THNSL1: variants seen among roughly 807,000 people sequenced by gnomAD.
THNSL1 encodes the protein threonine synthase-like 1.
In THNSL1, 48 loss-of-function variants were observed where a neutral mutation model predicts 50.4. That is an observed-to-expected ratio of 0.95 (90% CI 0.76 to 1.21). The LOEUF (loss-of-function observed/expected upper bound fraction) is 1.21, where lower values mean the gene tolerates loss of function less well. THNSL1 is among the 50% of genes most tolerant of loss of function. THNSL1 has a pLI of 0.00. For synonymous variants in THNSL1, 309 were observed against 306.1 expected (o/e 1.01, Z -0.10); for missense variants, 896 against 871.7 (o/e 1.03, Z -0.35).
chr10:24,968,168 A>G, the THNSL1 span, among the ~76,000 whole-genome samples: 8 of 152,238 alleles, frequency 5.3e-5, no homozygotes, highest in Non-Finnish European at 1.0e-4. Context: ...TTGGGCTATC[A>G]TTCCTTCTTA....
chr10:25,020,611 A>G (rs1850700646), intron 1 of THNSL1, among the ~76,000 whole-genome samples: 1 of 152,024 alleles, frequency 6.6e-6, no homozygotes, highest in Non-Finnish European at 1.5e-5. Flanking sequence ...TAGAAAACCT[A>G]CAAAAATTAG....
chr10:24,988,338 A>C, the THNSL1 span, among the ~76,000 whole-genome samples: 1 of 143,824 alleles, frequency 7.0e-6, no homozygotes, highest in Non-Finnish European at 1.5e-5. Flanking sequence ...ATATATGTGT[A>C]TATATATATT....
rs1174715187 is a variant in THNSL1, at chr10:25,023,291, T to A, written c.68T>A (p.Val23Asp). ...CAGAAATGTTTTTCTAGTATACATGTTAAAACGGATAAACATGCACAGCGA... is the reference window on the plus strand; with the variant it reads ...CAGAAATGTTTTTCTAGTATACATGATAAAACGGATAAACATGCACAGCGA... Reference protein sequence around the residue: ...ITQKCFSSIHVKTDKHAQRFL... With the variant: ...ITQKCFSSIHDKTDKHAQRFL... Residue 23 changes from valine (V) to aspartate (D), a missense_variant, in exon 3 of 3, where the codon GTT (valine) becomes GAT (aspartate). By Grantham distance (152) the Val-to-Asp change is radical (BLOSUM62 -3). Transcript: ENST00000376356. 2 of 1,614,020 alleles carry A rather than the reference T, an allele frequency of 1.2e-6. No homozygotes were observed. Among genetic ancestry groups the A allele is most frequent in the Non-Finnish European group, 8.5e-7 (1 of 1,179,996 alleles).
the THNSL1 span, among the ~76,000 whole-genome samples, chr10:24,981,715 G>T: frequency 6.6e-6 from 1 of 152,188 alleles, no homozygotes. Context: ...TCATGGAATG[G>T]TTTAGCAATC....
the THNSL1 span, among the ~76,000 whole-genome samples, chr10:25,009,235 C>T: frequency 1.9e-3 from 291 of 151,600 alleles, 3 homozygotes; most frequent in African/African-American, 6.7e-3. Flanking sequence ...TGCATATGTA[C>T]CCTAAACCTT....
At chr10:24,952,661 TGGGGACGGGGAC>T in the THNSL1 span, 954 of 90,636 alleles carry the variant, frequency 0.011, 35 homozygotes, top group Non-Finnish European at 0.018. This position sits in a 1 kb window ranked among gnomAD's most constrained non-coding sequence, Gnocchi z 5.1. Flanking sequence ...GACGTGGGGA[TGGGGACGGGGAC>T]GGGGACGGGG....
chr10:25,014,440 A>G (rs1211750431), upstream of THNSL1, among the ~76,000 whole-genome samples: 1 of 152,202 alleles, frequency 6.6e-6, no homozygotes, highest in Non-Finnish European at 1.5e-5. Context: ...GAACAGATAT[A>G]CTAGTGCAAT....
At chr10:24,959,794 G>C in the THNSL1 span, among the ~76,000 whole-genome samples, 1 of 151,764 alleles carries the variant, frequency 6.6e-6, no homozygotes. Flanking sequence ...CCAAGTAAGA[G>C]GTTTTATATA....
chr10:25,022,736 G>T (rs1455182933), intron 2 of THNSL1, among the ~76,000 whole-genome samples: 3 of 152,080 alleles, frequency 2.0e-5, no homozygotes, highest in Non-Finnish European at 4.4e-5. Flanking sequence ...CAACTTTTGT[G>T]AATTGCAAGT....
At chr10:24,964,523 C>A in the THNSL1 span, among the ~76,000 whole-genome samples, 1 of 152,182 alleles carries the variant, frequency 6.6e-6, no homozygotes, top group Non-Finnish European at 1.5e-5. Flanking sequence ...GAGACCTGCA[C>A]TTTCTTTTTA....
At chr10:24,974,929 C>T in the THNSL1 span, among the ~76,000 whole-genome samples, 1 of 152,294 alleles carries the variant, frequency 6.6e-6, no homozygotes, top group East Asian at 1.9e-4. Context: ...CTAACTCATC[C>T]ATCCCACTGT....
chr10:25,009,360 T>C, the THNSL1 span, among the ~76,000 whole-genome samples: 1 of 152,176 alleles, frequency 6.6e-6, no homozygotes, highest in Non-Finnish European at 1.5e-5. Context: ...GAAGCAATGA[T>C]TGCATAAGGC....
At chr10:25,011,996 T>A (rs947053377), upstream of THNSL1, among the ~76,000 whole-genome samples, 25 of 152,192 alleles carry the variant, frequency 1.6e-4, no homozygotes, top group African/African-American at 6.0e-4. Context: ...CCCAGGGCCT[T>A]GCTGCTTTGT....
At chr10:25,015,191 G>A (rs1343324035), upstream of THNSL1, among the ~76,000 whole-genome samples, 1 of 152,112 alleles carries the variant, frequency 6.6e-6, no homozygotes, top group African/African-American at 2.4e-5. Flanking sequence ...TCCTTTGCAC[G>A]TTTTTGAGAT....
chr10:24,967,850 T>C, the THNSL1 span, among the ~76,000 whole-genome samples: 1 of 151,880 alleles, frequency 6.6e-6, no homozygotes, highest in African/African-American at 2.4e-5. Flanking sequence ...CTGTATGATG[T>C]GTGCGTATGA....
chr10:25,024,544 C>T lies in THNSL1; in HGVS notation c.1321C>T (p.Gln441Ter). 1 of 1,614,118 alleles carries T rather than the reference C, an allele frequency of 6.2e-7. No homozygotes were observed. The highest frequency in any genetic ancestry group is 8.5e-7 in the Non-Finnish European group (1 of 1,180,012). ...VGVESDFDFC[Q>*]TAIKRIFNDS... is the part of the protein sequence containing the mutation. ...TGTTGAGTCAGATTTTGATTTTTGCCAGACAGCTATAAAAAGAATTTTTAA... is the reference window on the plus strand; with the variant it reads ...TGTTGAGTCAGATTTTGATTTTTGCTAGACAGCTATAAAAAGAATTTTTAA... Residue 441 changes from glutamine (Q) to a stop codon, truncating the protein, a stop_gained, in exon 3 of 3, where the codon CAG becomes TAG. Transcript: ENST00000376356. LOFTEE classifies it high-confidence loss of function.
upstream of THNSL1, among the ~76,000 whole-genome samples, chr10:25,013,576 A>C (rs1159475816): frequency 6.6e-6 from 1 of 152,262 alleles, no homozygotes; most frequent in Non-Finnish European, 1.5e-5. Flanking sequence ...TGTTCAGACC[A>C]TAACTGGAAT....
At chr10:24,952,400 C>T in the THNSL1 span, 1 of 1,131,910 alleles carries the variant, frequency 8.8e-7, no homozygotes, top group Non-Finnish European at 1.3e-6. The surrounding 1 kb of genome is among the most constrained non-coding windows in gnomAD (Gnocchi z 5.1). Context: ...AAGCGATCCC[C>T]GCCGGGAGGG....
In THNSL1 at chr10:25,023,470, G is replaced by T. The variant is rs778443651; in HGVS notation, c.247G>T (p.Val83Phe). 15 of 1,613,992 alleles carry T rather than the reference G, an allele frequency of 9.3e-6. No homozygotes were observed. The highest frequency in any genetic ancestry group is 1.1e-5 in the Non-Finnish European group (13 of 1,180,016). The change falls in exon 3 of 3, where the codon GTC (valine) becomes TTC (phenylalanine). Residue 83 changes from valine (V) to phenylalanine (F), a missense_variant. By Grantham distance (50) the Val-to-Phe change is conservative (BLOSUM62 -1). Coordinates refer to ENST00000376356, the MANE Select transcript of THNSL1 (RefSeq NM_024838.5). The stretch of plus-strand genomic sequence containing the variant: ...AATAGGTCAGAAACTAGGTTGTTGT[G>T]TCATAGATGTGGATGATGATATCCT... ...RIIGQKLGCC[V>F]IDVDDDILEK...
Sources: allele counts gnomAD v4.1 joint callset (sites outside exome capture counted in the v4.1 genomes callset), GRCh38; gene constraint gnomAD v4.1.1; non-coding constraint Gnocchi (gnomAD v3.1); transcripts MANE v1.5; gene names NCBI Gene and HGNC (gene_info 2026-07-23, HGNC 2026-07-21).